Variants in ARHGEF7 observed in about 807,000 individuals in gnomAD.
The protein encoded by ARHGEF7 is PAK-interacting exchange factor beta.
ARHGEF7 carries 33 observed loss-of-function variants against 109.8 expected under a neutral mutation model. The observed-to-expected ratio is 0.30, with a 90% CI of 0.23 to 0.40. ARHGEF7 has a LOEUF of 0.40. ARHGEF7 is among the 10% of genes least tolerant of loss of function. The probability of loss-of-function intolerance (pLI) is 1.00; values close to 1 mark genes in which losing one functional copy is unlikely to be tolerated. For synonymous variants in ARHGEF7, 458 were observed against 424.6 expected, an observed-to-expected ratio of 1.08 and a Z score of -0.97; for missense variants, 938 against 1,098.5, an observed-to-expected ratio of 0.85 and a Z score of 2.07.
chr13:111,201,575 A>T (rs2081218294), intron 2 of ARHGEF7, among the ~76,000 whole-genome samples: 1 of 152,194 alleles, frequency 6.6e-6, no homozygotes, highest in East Asian at 1.9e-4. Context: ...TTTCCTTGGC[A>T]GAATGGAGTT....
At chr13:111,302,239 T>G (rs141676769) in intron 21 of ARHGEF7, among the ~76,000 whole-genome samples, 48 of 152,256 alleles carry the variant, frequency 3.2e-4, no homozygotes, top group African/African-American at 1.1e-3. Flanking sequence ...TGAGCAGCTT[T>G]GGTCCTCTGC....
In ARHGEF7 at chr13:111,304,097, C is replaced by T. The variant is rs2153639294; in HGVS notation, c.*984C>T. 6.6e-6 allele frequency: 1 copy of T among 152,386 alleles called. No homozygotes were observed. Among genetic ancestry groups the T allele is most frequent in the South Asian group, 2.1e-4 (1 of 4,832 alleles). The allele number at this position is 152,386 out of a possible 1,614,324, so 9.4% of individuals were successfully genotyped here. A position where few individuals can be genotyped will look rare whatever the true frequency, so the allele number is the denominator to read the frequency against. On this transcript the variant is annotated 3_prime_UTR_variant, in exon 22 of 22. Coordinates refer to ENST00000646102, the MANE Select transcript of ARHGEF7 (RefSeq NM_001354046.2). ...TCAGGCCAGCCTCATCCCGAGGTCTCCTCCACCATTGGCCGTAGCCAGCAG... is the reference window on the plus strand; with the variant it reads ...TCAGGCCAGCCTCATCCCGAGGTCTTCTCCACCATTGGCCGTAGCCAGCAG...
intron 18 of ARHGEF7, 42 bp from the exon 19 acceptor site, chr13:111,292,075 AC>A (rs770266022): frequency 4.5e-6 from 7 of 1,556,704 alleles, no homozygotes; most frequent in Non-Finnish European, 1.8e-6. Flanking sequence ...TCTCCTCCTC[AC>A]CCCCTGCCTG....
chr13:111,231,195 A>G (rs2086000404), intron 5 of ARHGEF7, among the ~76,000 whole-genome samples: 1 of 152,248 alleles, frequency 6.6e-6, no homozygotes, highest in Admixed American at 6.5e-5. Context: ...GTAGATTTCA[A>G]AGATGAAAAA....
intron 2 of ARHGEF7, among the ~76,000 whole-genome samples, chr13:111,176,425 G>A (rs1359590719): frequency 1.3e-5 from 2 of 152,208 alleles, no homozygotes; most frequent in Non-Finnish European, 2.9e-5. Context: ...CATTTGTGTG[G>A]TGGATCTGGT....
chr13:111,292,046 T>C, intron 18 of ARHGEF7, 72 bp from the exon 19 acceptor site: 1 of 1,303,684 alleles, frequency 7.7e-7, no homozygotes. Flanking sequence ...CATGTTTTGG[T>C]TGTGGCTCTT....
chr13:111,299,337 A>ATTTTTTT (rs936360326), intron 19 of ARHGEF7, among the ~76,000 whole-genome samples: 11 of 106,096 alleles, frequency 1.0e-4, no homozygotes, highest in Admixed American at 2.3e-4. Context: ...GAAGCCATTC[A>ATTTTTTT]TTTTTTTTTT....
At chr13:111,184,938 A>G (rs2153435197) in intron 2 of ARHGEF7, 1 of 152,304 alleles carries the variant, frequency 6.6e-6, no homozygotes, top group South Asian at 2.1e-4. Context: ...TTCCTGTGTC[A>G]CACTTCAGAT....
At chr13:111,143,911 A>T (rs905766829) in intron 1 of ARHGEF7, 3 of 152,248 alleles carry the variant, frequency 2.0e-5, no homozygotes, top group Non-Finnish European at 4.4e-5. Flanking sequence ...ATACGACTCA[A>T]TGGTGAAATG....
chr13:111,173,418 G>A (rs765457995), intron 2 of ARHGEF7, among the ~76,000 whole-genome samples: 18 of 152,228 alleles, frequency 1.2e-4, no homozygotes, highest in Non-Finnish European at 2.5e-4. Flanking sequence ...ATTACCAGGA[G>A]TTTGACCAAT....
rs113069025 is a variant in ARHGEF7 at position 111,266,206 on chromosome 13, C to G, written c.951-1342C>G. Among the ~76,000 whole-genome samples, 652 of 152,046 alleles carry G rather than the reference C, an allele frequency of 4.3e-3. 4 individuals carry two copies. Among genetic ancestry groups the G allele is most frequent in the African/African-American group, 7.3e-3 (304 of 41,468 alleles). ...AGTTAGAGGAAGCGATTTCCACCCC[C>G]GTTTCAAGGGGTGCTTCAGTGTTTC... On this transcript the variant is annotated intron_variant, in intron 8 of 21. Coordinates refer to ENST00000646102, the MANE Select transcript of ARHGEF7 (RefSeq NM_001354046.2). The surrounding 1 kb of genome is among the most constrained non-coding windows in gnomAD (Gnocchi z 4.8).
At chr13:111,214,372 C>T (rs1594788035) in intron 4 of ARHGEF7, among the ~76,000 whole-genome samples, 1 of 152,340 alleles carries the variant, frequency 6.6e-6, no homozygotes, top group Non-Finnish European at 1.5e-5. Context: ...TGGGAAGGGG[C>T]CTGCTGCGCC....
At chr13:111,161,798 C>T (rs1010152173) in intron 2 of ARHGEF7, among the ~76,000 whole-genome samples, 2 of 152,008 alleles carry the variant, frequency 1.3e-5, no homozygotes, top group African/African-American at 4.8e-5. Context: ...TCCATGACAT[C>T]ATAGATACAT....
intron 17 of ARHGEF7, among the ~76,000 whole-genome samples, chr13:111,286,758 C>T (rs757421086): frequency 6.6e-6 from 1 of 152,192 alleles, no homozygotes; most frequent in African/African-American, 2.4e-5. Flanking sequence ...GCAGCAAGCA[C>T]CTGGCACCTG....
At chr13:111,201,298 C>T (rs2081188955) in intron 2 of ARHGEF7, among the ~76,000 whole-genome samples, 1 of 152,190 alleles carries the variant, frequency 6.6e-6, no homozygotes, top group South Asian at 2.1e-4. Flanking sequence ...TATATATGGC[C>T]TGTGTATTTC....
At chr13:111,180,178 G>C (rs1286759789) in intron 2 of ARHGEF7, among the ~76,000 whole-genome samples, 3 of 152,238 alleles carry the variant, frequency 2.0e-5, no homozygotes, top group Non-Finnish European at 4.4e-5. Context: ...CCCGCAAGTT[G>C]TGGGATGTGG....
At chr13:111,162,153 C>T (rs921776313) in intron 2 of ARHGEF7, among the ~76,000 whole-genome samples, 1 of 152,188 alleles carries the variant, frequency 6.6e-6, no homozygotes, top group African/African-American at 2.4e-5. Context: ...CCTTCCTGTC[C>T]TATGGATGTC....
intron 2 of ARHGEF7, among the ~76,000 whole-genome samples, chr13:111,157,356 G>A (rs1215278676): frequency 6.6e-6 from 1 of 151,124 alleles, no homozygotes. Context: ...TATCTCAAAA[G>A]CAACCAAAAT....
chr13:111,180,771 G>C (rs1375335193), intron 2 of ARHGEF7, among the ~76,000 whole-genome samples: 1 of 152,246 alleles, frequency 6.6e-6, no homozygotes, highest in Non-Finnish European at 1.5e-5. Context: ...GAAGATTATA[G>C]ACACCTGGAA....
Sources: gnomAD v4.1 joint callset for allele counts (sites outside exome capture counted in the v4.1 genomes callset) on GRCh38, gnomAD v4.1.1 for gene constraint, Gnocchi (gnomAD v3.1) non-coding constraint, MANE v1.5 for transcripts, NCBI Gene and HGNC (gene_info 2026-07-23, HGNC 2026-07-21) for gene names.